The following ANHX variants were observed in gnomAD, a reference collection of about 807,000 sequenced individuals.
ANHX encodes anomalous homeobox.
In ANHX, 20 loss-of-function variants were observed where a neutral mutation model predicts 38.9. The ratio of observed to expected loss-of-function variants is 0.51; its 90% CI spans 0.36 to 0.75. ANHX has a LOEUF of 0.75. Ranked by LOEUF, ANHX falls within the 30% of genes least tolerant of loss-of-function variation. The probability of loss-of-function intolerance (pLI) is 0.00; values close to 1 mark genes in which losing one functional copy is unlikely to be tolerated. For synonymous variants in ANHX, 185 were observed against 203.1 expected, an observed-to-expected ratio of 0.91 and a Z score of 0.76; for missense variants, 475 against 493.1, an observed-to-expected ratio of 0.96 and a Z score of 0.35.
chr12:133,226,960 A>C lies in ANHX; in HGVS notation c.694T>G (p.Phe232Val). 1 of 1,531,078 alleles carries C rather than the reference A, an allele frequency of 6.5e-7. No individual in the cohort carries two copies. The highest frequency in any genetic ancestry group is 1.2e-5 in the South Asian group (1 of 83,420). The allele number at this position is 1,531,078 out of a possible 1,614,324, so 94.8% of individuals were successfully genotyped here. ...PSGNPRVDSG[F>V]VDRPQWSEER... ...CCTGACCACTGAGGCCTGTCCACAA[A>C]CCCAGAGTCAACACGGGGGTTGCCT... The change falls in exon 5 of 10, where the codon TTT becomes GTT. Residue 232 changes from phenylalanine (F) to valine (V), a missense_variant. By Grantham distance (50) the Phe-to-Val change is conservative (BLOSUM62 -1). Coordinates refer to ENST00000545940, the MANE Select transcript of ANHX (RefSeq NM_001372060.1).
chr12:133,227,282 A>C (rs1161025420), intron 4 of ANHX, 130 bp from the exon 5 acceptor site: 2 of 1,005,004 alleles, frequency 2.0e-6, no homozygotes, highest in African/African-American at 3.2e-5. Flanking sequence ...CTCCAAGGAC[A>C]GCAGAGAGCG....
At chr12:133,228,314 C>T (rs902587299) in intron 3 of ANHX, among the ~76,000 whole-genome samples, 21 of 151,936 alleles carry the variant, frequency 1.4e-4, no homozygotes, top group African/African-American at 4.8e-4. Flanking sequence ...ACACAGGTGT[C>T]CTCAGCCCAT....
At chr12:133,234,666 G>A (rs1484000486) in intron 1 of ANHX, 2 of 375,862 alleles carry the variant, frequency 5.3e-6, no homozygotes, top group Non-Finnish European at 9.9e-6. Flanking sequence ...TCTGGGCTCA[G>A]TAGGGTAGGG....
At chr12:133,230,743 A>G (rs142080586) in intron 3 of ANHX, among the ~76,000 whole-genome samples, 1,936 of 139,534 alleles carry the variant, frequency 0.014, 53 homozygotes, top group African/African-American at 0.05. Flanking sequence ...TCTGGGCAAC[A>G]GAGCAAGACC....
chr12:133,230,156 T>A (rs1050230230), intron 3 of ANHX, among the ~76,000 whole-genome samples: 1 of 152,226 alleles, frequency 6.6e-6, no homozygotes, highest in Non-Finnish European at 1.5e-5. Context: ...CACATCCCAA[T>A]GTCAGTTCCA....
At chr12:133,230,762 ATT>A (rs367645852) in intron 3 of ANHX, among the ~76,000 whole-genome samples, 71,227 of 151,256 alleles carry the variant, frequency 0.47, 17,264 homozygotes, top group East Asian at 0.77. Context: ...CCCTGTCTCA[ATT>A]TTTTTTTTAA....
At position 133,218,982 on chromosome 12, in the gene ANHX, A is replaced by G; in HGVS notation, c.1366-11T>C. ...ATCAGAACACTGCACCTGGAAGACA[A>G]CACAGTGGTAAACACAGAGGCTTCC... is the stretch of plus-strand genomic sequence containing the variant. On this transcript the variant is annotated splice_polypyrimidine_tract_variant and intron_variant, in intron 9 of 9. Coordinates refer to ENST00000545940, the MANE Select transcript of ANHX (RefSeq NM_001372060.1). 6.5e-7 allele frequency: 1 copy of G among 1,530,972 alleles called. No individual in the cohort carries two copies. The highest frequency in any genetic ancestry group is 8.7e-7 in the Non-Finnish European group (1 of 1,143,168). The allele number at this position is 1,530,972 out of a possible 1,614,324, so 94.8% of individuals were successfully genotyped here. A position where few individuals can be genotyped will look rare whatever the true frequency, so the allele number is the denominator to read the frequency against.
chr12:133,223,933 C>A (rs1419992585), intron 7 of ANHX, among the ~76,000 whole-genome samples: 1 of 152,132 alleles, frequency 6.6e-6, no homozygotes, highest in Non-Finnish European at 1.5e-5. Context: ...GAATTCTGTC[C>A]TTGCAAAATT....
At position 133,221,110 on chromosome 12, in the gene ANHX, G is replaced by T; in HGVS notation, c.1280+95C>A. 1 of 1,426,040 alleles carries T rather than the reference G, an allele frequency of 7.0e-7. No homozygotes were observed. The highest frequency in any genetic ancestry group is 1.4e-5 in the South Asian group (1 of 71,660). The allele number at this position is 1,426,040 out of a possible 1,614,324, so 88.3% of individuals were successfully genotyped here. ...CAATCCAAAGGAGAGGACCCTATCT[G>T]CACAGTCCGGGACGGTGAGTCTATA... On this transcript the variant is annotated intron_variant, in intron 8 of 9. Transcript: ENST00000545940. This position sits in a 1 kb window ranked among gnomAD's most constrained non-coding sequence, Gnocchi z 4.1.
Position 133,226,821 on chromosome 12 carries a change from G to A in ANHX, c.718+115C>T, listed in dbSNP as rs1284908977. The A allele has an allele frequency of 2.9e-6, 3 of 1,030,976 alleles. No individual in the cohort carries two copies. In the Admixed American group the frequency reaches 8.9e-5, roughly 30 times the overall value. 63.9% of individuals were successfully genotyped at this position (1,030,976 alleles called of 1,614,324 possible). ...TCTTGCTCCCACAGAGTGACACCTG[G>A]AACCTACTGATTGGAGGAGGGCTAC... is the stretch of plus-strand genomic sequence containing the variant. On this transcript the variant is annotated intron_variant, in intron 5 of 9. Coordinates refer to ENST00000545940, the MANE Select transcript of ANHX (RefSeq NM_001372060.1).
In ANHX at chr12:133,225,768, G is replaced by A. The variant is rs1426788215; in HGVS notation, c.900C>T (p.Pro300=). Among the ~76,000 whole-genome samples the A allele has an allele frequency of 6.6e-6, 1 of 152,188 alleles. No homozygotes were observed. The highest frequency in any genetic ancestry group is 2.4e-5 in the African/African-American group (1 of 41,450). ...AGAGGCCAGGGCCAGGGCAGAAGAG[G>A]GGGAGGGTGGCAGGATCATGGCCAG... ...EGPGHDPATL[P]LFCPGPGLCP... The change falls in exon 7 of 10, where the codon CCC becomes CCT. Residue 300 remains proline, a synonymous_variant. Transcript: ENST00000545940.
intron 3 of ANHX, among the ~76,000 whole-genome samples, 163 bp from the exon 4 acceptor site, chr12:133,228,110 C>G (rs779718833): frequency 4.6e-5 from 7 of 152,198 alleles, no homozygotes; most frequent in Non-Finnish European, 1.0e-4. Context: ...GTCTCTTCCA[C>G]AGACATGCAC....
chr12:133,221,111 C>A lies in ANHX; in HGVS notation c.1280+94G>T. 1 of 1,433,988 alleles carries A rather than the reference C, an allele frequency of 7.0e-7. No homozygotes were observed. Among genetic ancestry groups the A allele is most frequent in the Non-Finnish European group, 9.2e-7 (1 of 1,081,542 alleles). The allele number at this position is 1,433,988 out of a possible 1,614,324, so 88.8% of individuals were successfully genotyped here. ...AATCCAAAGGAGAGGACCCTATCTG[C>A]ACAGTCCGGGACGGTGAGTCTATAA... On this transcript the variant is annotated intron_variant, in intron 8 of 9. Coordinates refer to ENST00000545940, the MANE Select transcript of ANHX (RefSeq NM_001372060.1). This position sits in a 1 kb window ranked among gnomAD's most constrained non-coding sequence, Gnocchi z 4.1.
intron 8 of ANHX, among the ~76,000 whole-genome samples, chr12:133,220,855 T>C (rs1957099957): frequency 6.6e-6 from 1 of 152,208 alleles, no homozygotes; most frequent in Admixed American, 6.5e-5. Context: ...CCTTGAAAAC[T>C]ACAATTCAGA....
rs989248337 is a variant in ANHX at position 133,218,595 on chromosome 12, C to T, written c.*290G>A. The T allele has an allele frequency of 1.6e-5, 4 of 255,528 alleles. No homozygotes were observed. Among genetic ancestry groups the T allele is most frequent in the South Asian group, 1.4e-4 (1 of 7,184 alleles). 15.8% of individuals were successfully genotyped at this position (255,528 alleles called of 1,614,324 possible). ...CCTCTCTAGAATGGCCTTCTCTGCACGAGTGCCCCGGAGCCCGACTGATCC... is the reference window on the plus strand; with the variant it reads ...CCTCTCTAGAATGGCCTTCTCTGCATGAGTGCCCCGGAGCCCGACTGATCC... On this transcript the variant is annotated 3_prime_UTR_variant, in exon 10 of 10. Coordinates refer to ENST00000545940, the MANE Select transcript of ANHX (RefSeq NM_001372060.1).
chr12:133,228,525 T>G (rs1419806473), intron 3 of ANHX, among the ~76,000 whole-genome samples: 1 of 152,196 alleles, frequency 6.6e-6, no homozygotes, highest in East Asian at 1.9e-4. Context: ...GCTTTCTCCC[T>G]TCGTCTCTCA....
intron 8 of ANHX, among the ~76,000 whole-genome samples, chr12:133,219,900 C>T (rs923250333): frequency 5.3e-5 from 8 of 152,044 alleles, no homozygotes; most frequent in South Asian, 2.1e-4. Context: ...CGCAATGGCA[C>T]GTGGCTCCCC....
At chr12:133,227,995 T>A (rs1271713372) in intron 3 of ANHX, 48 bp from the exon 4 acceptor site, 1 of 1,529,306 alleles carries the variant, frequency 6.5e-7, no homozygotes, top group African/African-American at 1.4e-5. Context: ...CCCCTCCAAA[T>A]CTGTTCCCTT....
At chr12:133,233,424 T>G (rs1174216346) in intron 2 of ANHX, among the ~76,000 whole-genome samples, 5 of 151,992 alleles carry the variant, frequency 3.3e-5, no homozygotes, top group Non-Finnish European at 5.9e-5. Context: ...AAAGGAAAAA[T>G]AGGCATTCAA....
Sources: allele counts gnomAD v4.1 joint callset (sites outside exome capture counted in the v4.1 genomes callset), GRCh38; gene constraint gnomAD v4.1.1; non-coding constraint Gnocchi (gnomAD v3.1); transcripts MANE v1.5; gene names NCBI Gene and HGNC (gene_info 2026-07-23, HGNC 2026-07-21).